UNC5D: variants seen among roughly 807,000 people sequenced by gnomAD.
UNC5D encodes the protein netrin receptor UNC5D.
A neutral mutation model predicts 105.4 loss-of-function variants in UNC5D; 39 were observed. The observed-to-expected ratio is 0.37, with a 90% CI of 0.29 to 0.48. The LOEUF (loss-of-function observed/expected upper bound fraction) is 0.48, where lower values mean the gene tolerates loss of function less well. Ranked by LOEUF, UNC5D falls within the 20% of genes least tolerant of loss-of-function variation. UNC5D has a pLI of 0.98. For synonymous variants in UNC5D, 452 were observed against 450.4 expected, an observed-to-expected ratio of 1.00 and a Z score of -0.04; for missense variants, 991 against 1,202.4, an observed-to-expected ratio of 0.82 and a Z score of 2.60.
At chr8:35,320,436 A>G (rs1809651972) in intron 1 of UNC5D, among the ~76,000 whole-genome samples, 1 of 152,130 alleles carries the variant, frequency 6.6e-6, no homozygotes, top group Admixed American at 6.6e-5. Flanking sequence ...AAAAGATGCC[A>G]CACTCTTAGT....
At chr8:35,365,874 C>A (rs916893727) in intron 1 of UNC5D, among the ~76,000 whole-genome samples, 1 of 151,902 alleles carries the variant, frequency 6.6e-6, no homozygotes, top group Non-Finnish European at 1.5e-5. Flanking sequence ...AGGCAGAAGC[C>A]CTGACTTGAA....
chr8:35,787,414 AAAG>A (rs1726307464), intron 16 of UNC5D, among the ~76,000 whole-genome samples: 1 of 152,172 alleles, frequency 6.6e-6, no homozygotes, highest in Non-Finnish European at 1.5e-5. Flanking sequence ...GATGGACATA[AAAG>A]AAGATTGTCA....
At chr8:35,301,856 T>G (rs369574885) in intron 1 of UNC5D, among the ~76,000 whole-genome samples, 1 of 152,086 alleles carries the variant, frequency 6.6e-6, no homozygotes, top group Non-Finnish European at 1.5e-5. Flanking sequence ...GTAAAAAGAA[T>G]GAAGGAAATG....
At chr8:35,770,249 A>C (rs948800518) in intron 15 of UNC5D, among the ~76,000 whole-genome samples, 1 of 152,218 alleles carries the variant, frequency 6.6e-6, no homozygotes, top group African/African-American at 2.4e-5. Context: ...TTTAAGATGT[A>C]TAAAATACTT....
intron 2 of UNC5D, among the ~76,000 whole-genome samples, chr8:35,567,089 A>G (rs1817399309): frequency 6.6e-6 from 1 of 151,714 alleles, no homozygotes; most frequent in East Asian, 1.9e-4. Context: ...AAAAAAAAAA[A>G]CCATTAAAAG....
rs1585722766 is a variant in UNC5D at position 35,386,644 on chromosome 8, C to G, written c.103+150757C>G. On this transcript the variant is annotated intron_variant, in intron 1 of 16. Coordinates refer to ENST00000404895, the MANE Select transcript of UNC5D (RefSeq NM_080872.4). The stretch of plus-strand genomic sequence containing the variant: ...ATGAAAAATTGTTTGGGTTCCCCCA[C>G]TTATGTTGTTTGAGCAGTAAAGAAA... Among the ~76,000 whole-genome samples, 4 of 152,296 alleles carry G rather than the reference C, an allele frequency of 2.6e-5. No individual in the cohort carries two copies. In the Middle Eastern group the frequency reaches 0.014, roughly 518 times the overall value.
At chr8:35,287,815 C>G (rs950730594) in intron 1 of UNC5D, among the ~76,000 whole-genome samples, 2 of 151,502 alleles carry the variant, frequency 1.3e-5, no homozygotes, top group African/African-American at 4.9e-5. Context: ...AAAAAAATGA[C>G]TAAATAATAA....
intron 4 of UNC5D, among the ~76,000 whole-genome samples, chr8:35,632,027 A>C (rs946444356): frequency 6.6e-6 from 1 of 152,166 alleles, no homozygotes; most frequent in African/African-American, 2.4e-5. Context: ...GACATTGTCC[A>C]CTGTCCAACA....
chr8:35,544,472 C>G (rs374099935), intron 1 of UNC5D: 127 of 1,613,800 alleles, frequency 7.9e-5, no homozygotes, highest in Non-Finnish European at 1.1e-4. Flanking sequence ...AGTTAAAGCT[C>G]TCAGTGATGT....
At chr8:35,603,414 G>T (rs1221877253) in intron 4 of UNC5D, among the ~76,000 whole-genome samples, 3 of 152,158 alleles carry the variant, frequency 2.0e-5, no homozygotes, top group African/African-American at 7.2e-5. Context: ...GAGACAGTTT[G>T]CTATAATTTC....
chr8:35,505,667 A>G (rs945859763), intron 1 of UNC5D, among the ~76,000 whole-genome samples: 5 of 152,270 alleles, frequency 3.3e-5, no homozygotes, highest in Non-Finnish European at 5.9e-5. Flanking sequence ...GATGGAAAAC[A>G]TCAGCATTAC....
At chr8:35,249,114 TATATA>T (rs1265536314) in intron 1 of UNC5D, among the ~76,000 whole-genome samples, 4 of 129,898 alleles carry the variant, frequency 3.1e-5, no homozygotes, top group African/African-American at 1.2e-4. Context: ...ATATATATAT[TATATA>T]TATAAAATTA....
chr8:35,411,667 T>C (rs1395170188), intron 1 of UNC5D, among the ~76,000 whole-genome samples: 1 of 152,116 alleles, frequency 6.6e-6, no homozygotes, highest in Non-Finnish European at 1.5e-5. Context: ...CATTCTTAAT[T>C]CCTTTAACTA....
Position 35,441,862 on chromosome 8 carries a change from G to T in UNC5D, c.104-107430G>T, listed in dbSNP as rs187986406. Among the ~76,000 whole-genome samples, 382 of 151,644 alleles carry T rather than the reference G, an allele frequency of 2.5e-3. 1 individual carries two copies. Among genetic ancestry groups the T allele is most frequent in the African/African-American group, 8.9e-3 (370 of 41,396 alleles). The stretch of plus-strand genomic sequence containing the variant: ...CCATTATTCATCTAATAAGAAGCGG[G>T]ACAACCAACAAGAAGCAGAAATTCT... On this transcript the variant is annotated intron_variant, in intron 1 of 16. Coordinates refer to ENST00000404895, the MANE Select transcript of UNC5D (RefSeq NM_080872.4).
At chr8:35,657,045 AGTGTGTGT>A (rs3076999) in intron 4 of UNC5D, among the ~76,000 whole-genome samples, 8 of 70,922 alleles carry the variant, frequency 1.1e-4, no homozygotes, top group African/African-American at 5.0e-4. Context: ...AGTGCAGTGG[AGTGTGTGT>A]GTGTGTGTGT....
intron 10 of UNC5D, chr8:35,726,760 T>C (rs1828902736): frequency 1.6e-6 from 1 of 618,940 alleles, no homozygotes; most frequent in Non-Finnish European, 2.7e-6. Context: ...GATTCCCTGT[T>C]AGAGCTGATA....
chr8:35,705,828 GTT>G, intron 7 of UNC5D, 99 bp from the exon 8 acceptor site: 1 of 650,550 alleles, frequency 1.5e-6, no homozygotes, highest in Non-Finnish European at 2.4e-6. Context: ...TGGAGAAAAT[GTT>G]TTATTTATAG....
In UNC5D at chr8:35,416,301, A is replaced by G. The variant is rs551431288; in HGVS notation, c.104-132991A>G. Among the ~76,000 whole-genome samples, 3 of 152,320 alleles carry G rather than the reference A, an allele frequency of 2.0e-5. No homozygotes were observed. The East Asian group carries it at 5.8e-4, about 29-fold the overall frequency. ...AACTAGAAAAGGAGAACCGGATTTC[A>G]GGAATACAAAGGAATTGTAAAAAAC... On this transcript the variant is annotated intron_variant, in intron 1 of 16. Transcript: ENST00000404895.
chr8:35,633,373 T>C (rs1290164898), intron 4 of UNC5D, among the ~76,000 whole-genome samples: 1 of 152,228 alleles, frequency 6.6e-6, no homozygotes, highest in Non-Finnish European at 1.5e-5. Flanking sequence ...CCAATAATTT[T>C]ATAACCACAC....
Sources: gnomAD v4.1 joint callset for allele counts (sites outside exome capture counted in the v4.1 genomes callset) on GRCh38, gnomAD v4.1.1 for gene constraint, MANE v1.5 for transcripts, NCBI Gene and HGNC (gene_info 2026-07-23, HGNC 2026-07-21) for gene names.